TTN: variants seen among roughly 807,000 people sequenced by gnomAD.
TTN encodes the protein titin, also known as connectin.
A neutral mutation model predicts 3,223.0 loss-of-function variants in TTN; 1,525 were observed. The ratio of observed to expected loss-of-function variants is 0.47; its 90% CI spans 0.45 to 0.49. TTN has a LOEUF of 0.49. TTN is among the 20% of genes least tolerant of loss of function. TTN has a pLI of 0.00. For synonymous variants in TTN, 14,094 were observed against 15,161.0 expected (o/e 0.93, Z 5.17); for missense variants, 40,786 against 43,424.0 (o/e 0.94, Z 5.40).
intron 30 of TTN, 35 bp from the exon 31 acceptor site, chr2:178,774,145 C>T: frequency 6.2e-7 from 1 of 1,614,042 alleles, no homozygotes; most frequent in Non-Finnish European, 8.5e-7. Flanking sequence ...ATGTTATGAT[C>T]ATTTTTTATC....
At chr2:178,696,388 T>G (rs535701105) in intron 113 of TTN, 119 bp from the exon 114 acceptor site, 62 of 500,608 alleles carry the variant, frequency 1.2e-4, no homozygotes, top group African/African-American at 1.2e-3. Flanking sequence ...TGATAATTTG[T>G]TTTTTTTTTT....
In TTN at chr2:178,642,063, A is replaced by T. The variant is rs57200316; in HGVS notation, c.40558+174T>A. On this transcript the variant is annotated intron_variant, in intron 219 of 362. Coordinates refer to ENST00000589042, the MANE Select transcript of TTN (RefSeq NM_001267550.2). ...CACAAAATTTCTGTCTTTTTTTTTT[A>T]AAAAAAAAGATCTGGAAATGACATT... Among the ~76,000 whole-genome samples the T allele has an allele frequency of 0.077, 11,623 of 149,976 alleles. 497 individuals are homozygous for T. Among genetic ancestry groups the T allele is most frequent in the Non-Finnish European group, 0.094 (6,358 of 67,310 alleles).
rs757633144 is a variant in TTN at position 178,681,106 on chromosome 2, C to G, written c.33313G>C (p.Glu11105Gln). 1.9e-6 allele frequency: 3 copies of G among 1,605,100 alleles called. No homozygotes were observed. The highest frequency in any genetic ancestry group is 2.5e-6 in the Non-Finnish European group (3 of 1,177,226). The change falls in exon 138 of 363, where the codon GAG (glutamate) becomes CAG (glutamine). Residue 11105 changes from glutamate (E) to glutamine (Q), a missense_variant. Glu to Gln is a conservative substitution (Grantham distance 29). Transcript: ENST00000589042. ...IRISITKREK[E>Q]QVTEPAAKVP... ...TTAGCAGCGGGTTCAGTCACCTGCT[C>G]TTTTTCACGTTTGGTAATTGAAATA...
chr2:178,789,439 G>A lies in TTN; in HGVS notation c.1997C>T (p.Ala666Val), dbSNP rs2093373177. The change falls in exon 13 of 363, where the codon GCC (alanine) becomes GTC (valine). Residue 666 changes from alanine (A) to valine (V), a missense_variant. By Grantham distance (64) the Ala-to-Val change is moderately conservative. Transcript: ENST00000589042. ...LSTIAVATAK[A>V]KEQETILRTR... The stretch of plus-strand genomic sequence containing the variant: ...TCTCAGTATTGTTTCTTGTTCTTTG[G>A]CTTTAGCAGTAGCAACTGCTATTGT... The A allele has an allele frequency of 1.2e-6, 2 of 1,613,452 alleles. No homozygotes were observed. Among genetic ancestry groups the A allele is most frequent in the Non-Finnish European group, 1.7e-6 (2 of 1,179,600 alleles).
intron 48 of TTN, 51 bp from the exon 49 acceptor site, chr2:178,738,411 C>T (rs371053143): frequency 3.3e-6 from 5 of 1,532,072 alleles, no homozygotes; most frequent in African/African-American, 2.8e-5. Context: ...AGGCATATGA[C>T]ATTTTTGTTT....
intron 99 of TTN, among the ~76,000 whole-genome samples, chr2:178,709,341 C>G (rs1228251003): frequency 1.3e-5 from 2 of 152,106 alleles, no homozygotes; most frequent in Admixed American, 6.6e-5. Context: ...ATTTAGAAAC[C>G]TAAGATATTA....
At chr2:178,529,801 A>T (rs932534932) in intron 359 of TTN, among the ~76,000 whole-genome samples, 159 bp downstream of exon 359, 1 of 152,234 alleles carries the variant, frequency 6.6e-6, no homozygotes, top group Admixed American at 6.5e-5. Context: ...CTAACTTCAA[A>T]TGTGTGTTTC....
Position 178,679,463 on chromosome 2 carries a change from A to G in TTN, c.33665-47T>C, listed in dbSNP as rs537669765. Reference sequence around the variant, plus strand: ...TTAAGTTCTAACTACTAGTAACAACACATCCATATAAAACACAGCTAATGT... The same window carrying G: ...TTAAGTTCTAACTACTAGTAACAACGCATCCATATAAAACACAGCTAATGT... On this transcript the variant is annotated intron_variant, in intron 141 of 362. Transcript: ENST00000589042. The G allele has an allele frequency of 8.1e-6, 13 of 1,600,388 alleles. No individual in the cohort carries two copies. The Admixed American group carries it at 1.4e-4, about 17-fold the overall frequency.
rs765412168 is a variant in TTN, at chr2:178,665,371, A to G, written c.36043+6T>C. ...CTTCTTCCACATTTGTTCAGAGGTA[A>G]CGTACTTTTCATACGTGGAGTTTCT... On this transcript the variant is annotated splice_donor_region_variant and intron_variant, in intron 165 of 362. Transcript: ENST00000589042. 2.5e-5 allele frequency: 41 copies of G among 1,611,292 alleles called. No individual in the cohort carries two copies. Among genetic ancestry groups the G allele is most frequent in the South Asian group, 5.5e-5 (5 of 91,070 alleles).
rs779618019 is a variant in TTN at position 178,567,856 on chromosome 2, T to C, written c.78276A>G (p.Pro26092=). The C allele has an allele frequency of 2.5e-6, 4 of 1,613,454 alleles. No homozygotes were observed. The African/African-American group carries it at 5.3e-5, about 22-fold the overall frequency. Residue 26092 remains proline (P), a synonymous_variant, in exon 326 of 363, where the codon CCA becomes CCG. Coordinates refer to ENST00000589042, the MANE Select transcript of TTN (RefSeq NM_001267550.2). ...TAACCATTATTGGTTCTGGGGTTCC[T>C]GGTGGGTCACAGGGATCTCTGGCTA... is the stretch of plus-strand genomic sequence containing the variant. ...CYVARDPCDP[P]GTPEPIMVKR...
chr2:178,685,120 C>G (rs1422699301), intron 129 of TTN, 131 bp from the exon 130 acceptor site: 1 of 1,132,284 alleles, frequency 8.8e-7, no homozygotes, highest in Non-Finnish European at 1.3e-6. Flanking sequence ...TCAGTAAATA[C>G]GTTCATACAT....
Position 178,785,860 on chromosome 2 carries a change from G to A in TTN, c.2358C>T (p.His786=). The A allele has an allele frequency of 6.2e-7, 1 of 1,614,128 alleles. No homozygotes were observed. The highest frequency in any genetic ancestry group is 8.5e-7 in the Non-Finnish European group (1 of 1,180,008). The change falls in exon 14 of 363, where the codon CAC becomes CAT. Residue 786 remains histidine, a synonymous_variant. Transcript: ENST00000589042. Reference sequence around the variant, plus strand: ...GGTATAGACTCACCTGTGATGATATGTGCATTCCCTTTTGATCAGTAGTTT... The same window carrying A: ...GGTATAGACTCACCTGTGATGATATATGCATTCCCTTTTGATCAGTAGTTT... ...HIKTTDQKGM[H]ISSQIKKTTD...
Position 178,570,118 on chromosome 2 carries a change from T to C in TTN, c.76014A>G (p.Gly25338=), listed in dbSNP as rs555117381. 1.7e-5 allele frequency: 27 copies of C among 1,613,482 alleles called. No homozygotes were observed. The South Asian group carries it at 2.5e-4, about 15-fold the overall frequency. The part of the protein sequence containing the change: ...PASDGGSEIL[G]YVLEKRDKEG... ...CTTTATCCCGTTTCTCAAGAACATATCCAAGAATTTCACTACCACCATCAG... is the reference window on the plus strand; with the variant it reads ...CTTTATCCCGTTTCTCAAGAACATACCCAAGAATTTCACTACCACCATCAG... Residue 25338 remains glycine (G), a synonymous_variant, in exon 326 of 363, where the codon GGA becomes GGG. Coordinates refer to ENST00000589042, the MANE Select transcript of TTN (RefSeq NM_001267550.2).
At chr2:178,725,325 CCAGCATTTGG>C in intron 71 of TTN, 33 bp downstream of exon 71, 2 of 1,426,634 alleles carry the variant, frequency 1.4e-6, no homozygotes, top group Non-Finnish European at 1.8e-6. Context: ...GTAATTCATT[CCAGCATTTGG>C]CACCAGTTTC....
Position 178,578,821 on chromosome 2 carries a change from C to T in TTN, c.68209G>A (p.Ala22737Thr). Residue 22737 changes from alanine to threonine, a missense_variant, in exon 320 of 363, where the codon GCG becomes ACG. By Grantham distance (58) the Ala-to-Thr change is moderately conservative (BLOSUM62 0). Transcript: ENST00000589042. Reference protein sequence around the residue: ...GEGLKSEPIVARHPFDVPDAP... With the variant: ...GEGLKSEPIVTRHPFDVPDAP... ...AGACACTTACCAAATGGATGTCTCG[C>T]AACAATTGGCTCCGATTTCAGGCCT... 6.2e-7 allele frequency: 1 copy of T among 1,610,900 alleles called. No individual in the cohort carries two copies.
chr2:178,665,515 A>G, intron 164 of TTN, 55 bp from the exon 165 acceptor site: 1 of 1,567,348 alleles, frequency 6.4e-7, no homozygotes, highest in Non-Finnish European at 8.8e-7. Flanking sequence ...GGAGACATTA[A>G]TTAAATGAGC....
Position 178,701,507 on chromosome 2 carries a change from TG to T in TTN, c.30598+20del. Reference sequence around the variant, plus strand: ...AGAATATTGCTGCTCCAAGCTCAGATGTTGAGGTTCTGGGTCTTACCTTCTG... The same window carrying T: ...AGAATATTGCTGCTCCAAGCTCAGATTTGAGGTTCTGGGTCTTACCTTCTG... On this transcript the variant is annotated intron_variant, in intron 110 of 362. Transcript: ENST00000589042. 1 of 1,606,138 alleles carries T rather than the reference TG, an allele frequency of 6.2e-7. No homozygotes were observed.
chr2:178,723,609 G>A lies in TTN; in HGVS notation c.21491C>T (p.Pro7164Leu), dbSNP rs981191810. The change falls in exon 74 of 363, where the codon CCT becomes CTT. Residue 7164 changes from proline (P) to leucine (L), a missense_variant. By Grantham distance (98) the Pro-to-Leu change is moderately conservative. Coordinates refer to ENST00000589042, the MANE Select transcript of TTN (RefSeq NM_001267550.2). ...TCTGAACCAGTTGACTTTGAATGGAGGGGTTCCTCTAATAACGCTTGTGAA... is the reference window on the plus strand; with the variant it reads ...TCTGAACCAGTTGACTTTGAATGGAAGGGTTCCTCTAATAACGCTTGTGAA... ...VTFTSVIRGT[P>L]PFKVNWFRGA... 1.9e-6 allele frequency: 3 copies of A among 1,613,012 alleles called. No homozygotes were observed. Among genetic ancestry groups the A allele is most frequent in the African/African-American group, 2.7e-5 (2 of 74,880 alleles).
At position 178,591,479 on chromosome 2, in the gene TTN, C is replaced by A; in HGVS notation, c.60246G>T (p.Val20082=). ...KLVPPSVELD[V]KLIEGLVVKA... The stretch of plus-strand genomic sequence containing the variant: ...TTACCACAAGACCTTCAATTAATTT[C>A]ACATCTAGCTCCACGGATGGAGGCA... Residue 20082 remains valine, a synonymous_variant, in exon 304 of 363, where the codon GTG becomes GTT. Transcript: ENST00000589042. The A allele has an allele frequency of 1.3e-6, 2 of 1,586,208 alleles. No homozygotes were observed. Among genetic ancestry groups the A allele is most frequent in the Non-Finnish European group, 1.7e-6 (2 of 1,170,728 alleles).
Sources: allele counts gnomAD v4.1 joint callset (sites outside exome capture counted in the v4.1 genomes callset), GRCh38; gene constraint gnomAD v4.1.1; transcripts MANE v1.5; gene names NCBI Gene and HGNC (gene_info 2026-07-23, HGNC 2026-07-21).